GALNTL5: variants seen among roughly 807,000 people sequenced by gnomAD.
GALNTL5 encodes inactive polypeptide N-acetylgalactosaminyltransferase-like protein 5.
Under a neutral mutation model 51.0 loss-of-function variants are expected in GALNTL5, and 44 were observed. That is an observed-to-expected ratio of 0.86 (90% CI 0.68 to 1.11). The LOEUF (loss-of-function observed/expected upper bound fraction) is 1.11, where lower values mean the gene tolerates loss of function less well. GALNTL5 is among the 50% of genes least tolerant of loss of function. The pLI is 0.00. For synonymous variants in GALNTL5, 192 were observed against 182.8 expected (o/e 1.05, Z -0.41); for missense variants, 528 against 531.8 (o/e 0.99, Z 0.07).
chr7:152,006,780 T>G (rs1177129823), intron 6 of GALNTL5, among the ~76,000 whole-genome samples: 2 of 152,098 alleles, frequency 1.3e-5, no homozygotes, highest in African/African-American at 4.8e-5. Flanking sequence ...TTTTCTTTTT[T>G]TTGGGGGGGG....
Position 151,983,361 on chromosome 7 carries a change from A to G in GALNTL5, c.535+209A>G, listed in dbSNP as rs186787312. 1.8e-4 allele frequency among the ~76,000 whole-genome samples: 28 copies of G among 152,086 alleles called. No individual in the cohort carries two copies. The East Asian group carries it at 5.2e-3, about 28-fold the overall frequency. ...CCCGGCTAATTTTTGTATTTTTAGT[A>G]GAGACGGGGTTTCACCATGTTGGTC... On this transcript the variant is annotated intron_variant, in intron 4 of 8. Transcript: ENST00000392800.
chr7:151,998,333 A>T (rs564616289), intron 5 of GALNTL5, among the ~76,000 whole-genome samples: 2,811 of 152,264 alleles, frequency 0.018, 84 homozygotes, highest in African/African-American at 0.064. Context: ...AAGGTGCTAA[A>T]AAAAAGTCTA....
At chr7:151,960,430 T>C (rs2080977364) in intron 1 of GALNTL5, 1 of 152,228 alleles carries the variant, frequency 6.6e-6, no homozygotes, top group African/African-American at 2.4e-5. Flanking sequence ...AAATCCCCTT[T>C]ACAGCCCATT....
chr7:152,003,295 G>A (rs1049444543), intron 6 of GALNTL5, among the ~76,000 whole-genome samples: 1 of 152,166 alleles, frequency 6.6e-6, no homozygotes, highest in African/African-American at 2.4e-5. Flanking sequence ...GTTTGAAGGA[G>A]AGACTCCATC....
chr7:152,000,216 G>C (rs2081554437), intron 5 of GALNTL5, among the ~76,000 whole-genome samples: 1 of 152,232 alleles, frequency 6.6e-6, no homozygotes, highest in Admixed American at 6.5e-5. Context: ...TGGCAGTGTT[G>C]GAGAGAGAGC....
rs577147200 is a variant in GALNTL5, at chr7:151,975,518, TG to T, written c.368+4454del. 2.2e-4 allele frequency among the ~76,000 whole-genome samples: 33 copies of T among 152,130 alleles called. No individual in the cohort carries two copies. In the East Asian group the frequency reaches 5.2e-3, roughly 24 times the overall value. On this transcript the variant is annotated intron_variant, in intron 3 of 8. Transcript: ENST00000392800. ...TTATCCTTTTAAAAACCCAACTCTT[TG>T]TTTGGTTTGTCTTTTCTATTGTTTT...
At chr7:151,957,028 T>G (rs537003744) in intron 1 of GALNTL5, among the ~76,000 whole-genome samples, 2 of 151,404 alleles carry the variant, frequency 1.3e-5, no homozygotes, top group Non-Finnish European at 2.9e-5. Flanking sequence ...GATTATAAAC[T>G]GGGCACGGCA....
At chr7:151,987,342 C>T (rs28367452) in intron 5 of GALNTL5, 61 bp downstream of exon 5, 101,076 of 1,447,482 alleles carry the variant, frequency 0.07, 7,743 homozygotes, top group African/African-American at 0.3. Context: ...CCCTTCTGAG[C>T]GGGACTCCTC....
At chr7:151,975,786 T>A (rs2081197810) in intron 3 of GALNTL5, among the ~76,000 whole-genome samples, 2 of 152,168 alleles carry the variant, frequency 1.3e-5, no homozygotes, top group Admixed American at 6.6e-5. Context: ...AAGATATTTT[T>A]AATTTTCATT....
At position 151,987,190 on chromosome 7, in the gene GALNTL5, G is replaced by T; in HGVS notation, c.567G>T (p.Leu189=). The change falls in exon 5 of 9, where the codon CTG becomes CTT. Residue 189 remains leucine (L), a synonymous_variant. Coordinates refer to ENST00000392800, the MANE Select transcript of GALNTL5 (RefSeq NM_145292.4). ...DDLKEKLDYH[L]ETFRGKVKII... The stretch of plus-strand genomic sequence containing the variant: ...TGAAAGAAAAACTAGACTATCACCT[G>T]GAAACTTTTCGGGGAAAGGTTAAAA... 6.3e-7 allele frequency: 1 copy of T among 1,595,986 alleles called. No individual in the cohort carries two copies. The highest frequency in any genetic ancestry group is 8.5e-7 in the Non-Finnish European group (1 of 1,173,808).
In GALNTL5 at chr7:151,982,870, CA is replaced by C. The variant is rs750865080; in HGVS notation, c.369-115del. The stretch of plus-strand genomic sequence containing the variant: ...ACTGTCACCTTATTACCATAATTAT[CA>C]GTTGAAGGAGTAAAGAGTCAAAAAG... On this transcript the variant is annotated intron_variant, in intron 3 of 8. Transcript: ENST00000392800. 1.9e-6 allele frequency: 3 copies of C among 1,587,608 alleles called. No homozygotes were observed. The South Asian group carries it at 3.4e-5, about 18-fold the overall frequency.
chr7:152,003,568 G>T (rs918959166), intron 6 of GALNTL5, among the ~76,000 whole-genome samples: 1 of 152,158 alleles, frequency 6.6e-6, no homozygotes. Flanking sequence ...ATAGCATAAG[G>T]CTTGACACAG....
In GALNTL5 at chr7:151,981,544, CCCTTCCTTCCTTCCTT is replaced by C. The variant is rs201218158; in HGVS notation, c.369-1411_369-1396del. Among the ~76,000 whole-genome samples, 836 of 130,652 alleles carry C rather than the reference CCCTTCCTTCCTTCCTT, an allele frequency of 6.4e-3. 20 individuals are homozygous for C. Among genetic ancestry groups the C allele is most frequent in the African/African-American group, 0.023 (765 of 33,944 alleles). 85.7% of individuals were successfully genotyped at this position (130,652 alleles called of 152,430 possible). On this transcript the variant is annotated intron_variant, in intron 3 of 8. Transcript: ENST00000392800. ...AGTCAGCTCACAATACATCTCTCTT[CCCTTCCTTCCTTCCTT>C]CCTTCCTTCCTTCCTTCCTTCCTTC...
At chr7:151,966,031 C>T (rs2081054692) in intron 1 of GALNTL5, among the ~76,000 whole-genome samples, 1 of 151,924 alleles carries the variant, frequency 6.6e-6, no homozygotes, top group African/African-American at 2.4e-5. Context: ...TGGTTTTTTT[C>T]CCATGCATTT....
intron 3 of GALNTL5, 59 bp downstream of exon 3, chr7:151,971,124 T>C: frequency 1.5e-6 from 2 of 1,300,528 alleles, no homozygotes; most frequent in Non-Finnish European, 2.2e-6. Context: ...GATAGATAGA[T>C]AGATAGATAG....
At chr7:152,002,619 A>G in intron 5 of GALNTL5, 95 bp from the exon 6 acceptor site, 1 of 1,347,826 alleles carries the variant, frequency 7.4e-7, no homozygotes, top group Non-Finnish European at 1.0e-6. Context: ...CACATAGTAA[A>G]TGCTCAAGAA....
At chr7:152,019,586 A>T in intron 8 of GALNTL5, 60 bp from the exon 9 acceptor site, 1 of 1,493,578 alleles carries the variant, frequency 6.7e-7, no homozygotes, top group Non-Finnish European at 9.2e-7. Flanking sequence ...AGATATAATC[A>T]TTTGATCAGC....
Position 151,974,831 on chromosome 7 carries a change from A to G in GALNTL5, c.368+3766A>G, listed in dbSNP as rs2081188181. On this transcript the variant is annotated intron_variant, in intron 3 of 8. Transcript: ENST00000392800. ...CCCCATCACATGATTACTGTTCAGA[A>G]AAACAAAGTTTAGAGAGATTTGTCC... is the stretch of plus-strand genomic sequence containing the variant. 2.0e-5 allele frequency among the ~76,000 whole-genome samples: 3 copies of G among 152,328 alleles called. No homozygotes were observed. In the South Asian group the frequency reaches 6.2e-4, roughly 32 times the overall value.
At chr7:151,997,016 GTTAAC>G (rs2151953939) in intron 5 of GALNTL5, among the ~76,000 whole-genome samples, 1 of 152,134 alleles carries the variant, frequency 6.6e-6, no homozygotes, top group Non-Finnish European at 1.5e-5. Flanking sequence ...CAAAAAACAA[GTTAAC>G]AAACGTTGCA....
Sources: gnomAD v4.1 joint callset for allele counts (sites outside exome capture counted in the v4.1 genomes callset) on GRCh38, gnomAD v4.1.1 for gene constraint, MANE v1.5 for transcripts, NCBI Gene and HGNC (gene_info 2026-07-23, HGNC 2026-07-21) for gene names.